C8orf34: variants seen among roughly 807,000 people sequenced by gnomAD.
C8orf34 encodes the protein chromosome 8 open reading frame 34, also known as uncharacterized protein C8orf34.
Under a neutral mutation model 68.3 loss-of-function variants are expected in C8orf34, and 65 were observed. That is an observed-to-expected ratio of 0.95 (90% confidence interval 0.78 to 1.17). The LOEUF is 1.17. C8orf34 is among the 50% of genes most tolerant of loss of function. The pLI is 0.00. For missense variants in C8orf34, 664 were observed against 655.4 expected (o/e 1.01, Z -0.14); for synonymous variants, 244 against 241.2 (o/e 1.01, Z -0.11).
At position 68,359,216 on chromosome 8, in the gene C8orf34, C is replaced by G. The variant is rs560762751; in HGVS notation, c.327+27877C>G. On this transcript the variant is annotated intron_variant, in intron 1 of 13. Transcript: ENST00000518698. The stretch of plus-strand genomic sequence containing the variant: ...AACAGAAAACAAGAATGATTTATAG[C>G]TTTTATGTGATATACTATGTTAGCA... Among the ~76,000 whole-genome samples, 4 of 152,120 alleles carry G rather than the reference C, an allele frequency of 2.6e-5. No individual in the cohort carries two copies. In the East Asian group the frequency reaches 7.7e-4, roughly 29 times the overall value.
intron 11 of C8orf34, among the ~76,000 whole-genome samples, chr8:68,782,466 A>C (rs1368139082): frequency 6.7e-5 from 10 of 148,800 alleles, no homozygotes; most frequent in Non-Finnish European, 1.5e-4. Context: ...TCCCTGCAAT[A>C]GGCCATCTAG....
intron 10 of C8orf34, among the ~76,000 whole-genome samples, chr8:68,761,760 C>A (rs534305753): frequency 6.6e-6 from 1 of 152,232 alleles, no homozygotes; most frequent in Non-Finnish European, 1.5e-5. Context: ...TTTGAAATAG[C>A]TTTTTTAGTA....
intron 7 of C8orf34, among the ~76,000 whole-genome samples, chr8:68,572,311 G>A (rs939930781): frequency 9.9e-5 from 15 of 151,656 alleles, no homozygotes; most frequent in Admixed American, 2.6e-4. Context: ...TCAATAATTG[G>A]TCTTCTTAAA....
intron 1 of C8orf34, among the ~76,000 whole-genome samples, chr8:68,409,758 A>G (rs1346326935): frequency 2.6e-5 from 4 of 152,112 alleles, no homozygotes; most frequent in Non-Finnish European, 5.9e-5. Flanking sequence ...TCACTCACTG[A>G]CTCACCCAGA....
chr8:68,711,599 A>G (rs1225733759), intron 9 of C8orf34, among the ~76,000 whole-genome samples: 4 of 152,096 alleles, frequency 2.6e-5, no homozygotes, highest in Non-Finnish European at 4.4e-5. Flanking sequence ...TTTTCAATTA[A>G]CCCAATCCAT....
chr8:68,384,206 A>C (rs1808159177), intron 1 of C8orf34, among the ~76,000 whole-genome samples: 1 of 152,246 alleles, frequency 6.6e-6, no homozygotes, highest in African/African-American at 2.4e-5. Flanking sequence ...GTCAATATAG[A>C]GTTCTCAACC....
At chr8:68,734,540 C>A (rs1365738960) in intron 10 of C8orf34, among the ~76,000 whole-genome samples, 2 of 152,124 alleles carry the variant, frequency 1.3e-5, no homozygotes, top group Non-Finnish European at 2.9e-5. Context: ...TTTTCTATTC[C>A]CAACAAAACT....
chr8:68,431,480 G>A (rs1398323564), intron 1 of C8orf34, among the ~76,000 whole-genome samples: 1 of 152,142 alleles, frequency 6.6e-6, no homozygotes. Context: ...AAGTAAGACT[G>A]TGTGAAGTCC....
At chr8:68,431,464 A>G (rs1216377334) in intron 1 of C8orf34, among the ~76,000 whole-genome samples, 1 of 152,106 alleles carries the variant, frequency 6.6e-6, no homozygotes, top group African/African-American at 2.4e-5. Context: ...CTACAGAGGT[A>G]TTTTCAAGTA....
chr8:68,396,306 T>C (rs904905631), intron 1 of C8orf34, among the ~76,000 whole-genome samples: 1 of 152,092 alleles, frequency 6.6e-6, no homozygotes, highest in African/African-American at 2.4e-5. Context: ...GAAATTTTAA[T>C]GAGGAATTAA....
chr8:68,709,529 T>C (rs2130963242), intron 9 of C8orf34, among the ~76,000 whole-genome samples: 1 of 152,224 alleles, frequency 6.6e-6, no homozygotes, highest in African/African-American at 2.4e-5. Context: ...CTTGACAATA[T>C]CATACTCCCT....
At chr8:68,618,787 G>A (rs986591468) in intron 7 of C8orf34, among the ~76,000 whole-genome samples, 1 of 152,172 alleles carries the variant, frequency 6.6e-6, no homozygotes, top group Admixed American at 6.5e-5. Context: ...TGGATCTAGA[G>A]GGGAGCAGAC....
chr8:68,734,445 C>T (rs989308813), intron 10 of C8orf34, among the ~76,000 whole-genome samples: 2 of 152,144 alleles, frequency 1.3e-5, no homozygotes, highest in African/African-American at 4.8e-5. Context: ...ATCAATAATA[C>T]TTTGGTGGAT....
intron 8 of C8orf34, among the ~76,000 whole-genome samples, chr8:68,659,807 C>G (rs1392869347): frequency 6.6e-6 from 1 of 151,996 alleles, no homozygotes; most frequent in African/African-American, 2.4e-5. Context: ...CATTTTTCCT[C>G]TATTCCAATG....
intron 8 of C8orf34, among the ~76,000 whole-genome samples, chr8:68,688,892 A>G (rs2130900185): frequency 6.6e-6 from 1 of 152,204 alleles, no homozygotes; most frequent in Non-Finnish European, 1.5e-5. Flanking sequence ...CTTAATACCT[A>G]CGTGATGGGT....
chr8:68,791,585 A>T (rs752734699), intron 12 of C8orf34: 4 of 151,954 alleles, frequency 2.6e-5, no homozygotes, highest in Non-Finnish European at 5.9e-5. Flanking sequence ...ACACAAGCAA[A>T]CAAACAACCA....
intron 7 of C8orf34, among the ~76,000 whole-genome samples, chr8:68,557,573 C>T (rs562778498): frequency 3.3e-5 from 5 of 152,250 alleles, no homozygotes; most frequent in Middle Eastern, 3.4e-3. Context: ...AGGTAAGTAG[C>T]AAAACCTCCA....
intron 8 of C8orf34, among the ~76,000 whole-genome samples, chr8:68,659,772 A>G (rs754270111): frequency 6.6e-6 from 1 of 151,980 alleles, no homozygotes; most frequent in Non-Finnish European, 1.5e-5. Context: ...ATTCATGAAC[A>G]TTTCAGCTCT....
intron 7 of C8orf34, among the ~76,000 whole-genome samples, chr8:68,554,818 G>A (rs1816201778): frequency 6.6e-6 from 1 of 152,046 alleles, no homozygotes; most frequent in African/African-American, 2.4e-5. Flanking sequence ...AACATGGCAT[G>A]GAATTGTGTA....
Sources: allele counts gnomAD v4.1 joint callset (sites outside exome capture counted in the v4.1 genomes callset), GRCh38; gene constraint gnomAD v4.1.1; transcripts MANE v1.5; gene names NCBI Gene and HGNC (gene_info 2026-07-23, HGNC 2026-07-21).